EXD3: variants seen among roughly 807,000 people sequenced by gnomAD.
The protein encoded by EXD3 is exonuclease 3'-5' domain containing 3, also known as exonuclease mut-7 homolog.
A neutral mutation model predicts 98.0 loss-of-function variants in EXD3; 92 were observed. The observed-to-expected ratio is 0.94, with a 90% CI of 0.79 to 1.12. The LOEUF (loss-of-function observed/expected upper bound fraction) is 1.12, where lower values mean the gene tolerates loss of function less well. Among genes scored for constraint, EXD3 ranks in the 50% most tolerant of loss-of-function variants. EXD3 has a pLI of 0.00. For synonymous variants in EXD3, 569 were observed against 526.0 expected (o/e 1.08, Z -1.12); for missense variants, 1,222 against 1,191.6 (o/e 1.03, Z -0.38).
Position 137,354,764 on chromosome 9 carries a change from G to A in EXD3, c.767C>T (p.Pro256Leu). 6.2e-7 allele frequency: 1 copy of A among 1,609,802 alleles called. No individual in the cohort carries two copies. Among genetic ancestry groups the A allele is most frequent in the Non-Finnish European group, 8.5e-7 (1 of 1,179,484 alleles). The change falls in exon 9 of 22, where the codon CCC becomes CTC. Residue 256 changes from proline (P) to leucine (L), a missense_variant. Transcript: ENST00000340951. ...CAGGCGCTGCTGAATGGCCGCGTTG[G>A]GACACAGCGCTGAAAGGAAAGGCCA... ...ERYGVAPALC[P>L]NAAIQQRLAA...
rs934997749 is a variant in EXD3, at chr9:137,371,342, A to G, written c.462+1563T>C. On this transcript the variant is annotated intron_variant, in intron 5 of 21. Transcript: ENST00000340951. The surrounding 1 kb of genome is among the most constrained non-coding windows in gnomAD (Gnocchi z 8.0). ...AGCGCCATGCACCCGCCGCGAGACG[A>G]CGGCCCCGGGCGTGGCAGGTGACAG... Among the ~76,000 whole-genome samples, 7 of 152,210 alleles carry G rather than the reference A, an allele frequency of 4.6e-5. No individual in the cohort carries two copies. Among genetic ancestry groups the G allele is most frequent in the Non-Finnish European group, 8.8e-5 (6 of 67,974 alleles).
At chr9:137,355,062 G>A (rs1441704397) in intron 8 of EXD3, among the ~76,000 whole-genome samples, 1 of 152,170 alleles carries the variant, frequency 6.6e-6, no homozygotes, top group Non-Finnish European at 1.5e-5. Context: ...TTCCTTCTTG[G>A]CGTTGGCATC....
chr9:137,387,779 G>C (rs1346872501), intron 2 of EXD3, among the ~76,000 whole-genome samples: 1 of 152,196 alleles, frequency 6.6e-6, no homozygotes, highest in Non-Finnish European at 1.5e-5. Context: ...CCTCCCTGAG[G>C]TCGCCTCCTC....
Position 137,393,343 on chromosome 9 carries a change from G to C in EXD3, c.55+1960C>G. The stretch of plus-strand genomic sequence containing the variant: ...GGTAACAGGGCCTCATCCCACACAG[G>C]TGCAGGCCCGGGGCCCGCAGATGGC... On this transcript the variant is annotated intron_variant, in intron 2 of 21. Transcript: ENST00000340951. The surrounding 1 kb of genome is among the most constrained non-coding windows in gnomAD (Gnocchi z 4.6). 1 of 678,260 alleles carries C rather than the reference G, an allele frequency of 1.5e-6. No individual in the cohort carries two copies. Among genetic ancestry groups the C allele is most frequent in the Non-Finnish European group, 2.7e-6 (1 of 370,858 alleles). The allele number at this position is 678,260 out of a possible 1,614,324, so 42.0% of individuals were successfully genotyped here.
intron 7 of EXD3, among the ~76,000 whole-genome samples, chr9:137,362,408 C>A (rs900494773): frequency 6.6e-6 from 1 of 152,042 alleles, no homozygotes; most frequent in African/African-American, 2.4e-5. Flanking sequence ...TAAAGAAAAA[C>A]CATGTGTTCA....
chr9:137,392,993 G>A, intron 2 of EXD3: 1 of 602,158 alleles, frequency 1.7e-6, no homozygotes, highest in Non-Finnish European at 2.9e-6. Context: ...CACCGAGGCT[G>A]TTCTCGGTGG....
chr9:137,339,883 T>C (rs540566116), intron 17 of EXD3, among the ~76,000 whole-genome samples: 1 of 152,266 alleles, frequency 6.6e-6, no homozygotes, highest in East Asian at 1.9e-4. Flanking sequence ...CTTGGAGATC[T>C]TGACTAATGA....
chr9:137,419,762 G>T (rs546491328), intron 1 of EXD3, among the ~76,000 whole-genome samples: 11 of 152,264 alleles, frequency 7.2e-5, no homozygotes, highest in African/African-American at 2.6e-4. Flanking sequence ...CAAGTATACA[G>T]ACTTCCGATA....
intron 5 of EXD3, among the ~76,000 whole-genome samples, chr9:137,370,791 C>CTTT (rs1158053438): frequency 3.1e-5 from 4 of 129,994 alleles, no homozygotes; most frequent in African/African-American, 1.1e-4. Flanking sequence ...CCAAGAGGGC[C>CTTT]TTTTTTTTTT....
At chr9:137,417,525 C>A (rs1184983016) in intron 1 of EXD3, among the ~76,000 whole-genome samples, 5 of 152,170 alleles carry the variant, frequency 3.3e-5, no homozygotes, top group Non-Finnish European at 7.4e-5. Context: ...TCGAACACAG[C>A]GACCACGGGC....
Position 137,323,748 on chromosome 9 carries a change from C to T in EXD3, c.2161G>A (p.Ala721Thr), listed in dbSNP as rs755941615. 8 of 1,612,290 alleles carry T rather than the reference C, an allele frequency of 5.0e-6. No homozygotes were observed. Among genetic ancestry groups the T allele is most frequent in the South Asian group, 4.4e-5 (4 of 91,076 alleles). The change falls in exon 19 of 22, where the codon GCA (alanine) becomes ACA (threonine). Residue 721 changes from alanine (A) to threonine (T), a missense_variant. Ala to Thr is a moderately conservative substitution (Grantham distance 58). Coordinates refer to ENST00000340951, the MANE Select transcript of EXD3 (RefSeq NM_017820.5). ...LKHFNVRVTH[A>T]DIFSRCQACN... is the part of the protein sequence containing the mutation. ...ACCTGGCAGCGGCTGAAGATGTCTG[C>T]GTGGGTGACACGCACGTTGAAATGC... is the stretch of plus-strand genomic sequence containing the variant.
intron 1 of EXD3, among the ~76,000 whole-genome samples, chr9:137,409,795 G>A (rs1023777507): frequency 6.6e-6 from 1 of 152,234 alleles, no homozygotes; most frequent in Non-Finnish European, 1.5e-5. Flanking sequence ...CGTGGTGCCA[G>A]GTCCCAAGCC....
intron 17 of EXD3, among the ~76,000 whole-genome samples, chr9:137,342,748 G>A (rs1398268576): frequency 6.6e-6 from 1 of 152,208 alleles, no homozygotes. Context: ...TAGGGCAGCA[G>A]TGGCAGCCAC....
At chr9:137,417,946 C>T (rs1223336202) in intron 1 of EXD3, among the ~76,000 whole-genome samples, 4 of 152,128 alleles carry the variant, frequency 2.6e-5, no homozygotes, top group Non-Finnish European at 4.4e-5. Context: ...TGGGGTGGGA[C>T]CACGGAGGGG....
intron 19 of EXD3, among the ~76,000 whole-genome samples, chr9:137,316,119 T>C (rs1208558272): frequency 6.9e-6 from 1 of 145,058 alleles, no homozygotes; most frequent in Non-Finnish European, 1.5e-5. Context: ...CGCGGCGCGC[T>C]GGCTTTCCCA....
chr9:137,353,566 C>T, intron 10 of EXD3: 1 of 985,666 alleles, frequency 1.0e-6, no homozygotes, highest in Non-Finnish European at 1.2e-6. Flanking sequence ...CCTGAGAAAC[C>T]TCATCCTCAC....
In EXD3 at chr9:137,356,375, G is replaced by GGA. The variant is rs1564510213; in HGVS notation, c.657-9_657-8dup. ...GGTCACCTCAGGGTACCGTCTGTGG[G>GGA]GAGAGAGAGGCACAGCCTCTGTTGC... On this transcript the variant is annotated splice_polypyrimidine_tract_variant and splice_region_variant and intron_variant, in intron 7 of 21. Coordinates refer to ENST00000340951, the MANE Select transcript of EXD3 (RefSeq NM_017820.5). 6.4e-7 allele frequency: 1 copy of GGA among 1,552,140 alleles called. No homozygotes were observed. Among genetic ancestry groups the GGA allele is most frequent in the Admixed American group, 1.8e-5 (1 of 55,930 alleles).
At position 137,356,257 on chromosome 9, in the gene EXD3, G is replaced by A. The variant is rs1216766705; in HGVS notation, c.757+11C>T. The A allele has an allele frequency of 2.5e-6, 4 of 1,584,926 alleles. No homozygotes were observed. In the African/African-American group the frequency reaches 4.0e-5, roughly 16 times the overall value. On this transcript the variant is annotated intron_variant, in intron 8 of 21. Coordinates refer to ENST00000340951, the MANE Select transcript of EXD3 (RefSeq NM_017820.5). The stretch of plus-strand genomic sequence containing the variant: ...TGGCCTGTGGGGCAGGAATGTGGGG[G>A]CTGGACTCACCTGGGGCTACGCCGT...
At chr9:137,412,736 C>T (rs75947046) in intron 1 of EXD3, among the ~76,000 whole-genome samples, 1,915 of 152,344 alleles carry the variant, frequency 0.013, 43 homozygotes, top group African/African-American at 0.043. Context: ...ACTGTGTCCA[C>T]TGGCTTCAAA....
Sources: allele counts gnomAD v4.1 joint callset (sites outside exome capture counted in the v4.1 genomes callset), GRCh38; gene constraint gnomAD v4.1.1; non-coding constraint Gnocchi (gnomAD v3.1); transcripts MANE v1.5; gene names NCBI Gene and HGNC (gene_info 2026-07-23, HGNC 2026-07-21).